Variants in PHACTR1 observed in about 807,000 individuals in gnomAD.
PHACTR1 encodes RPEL repeat containing 1.
Under a neutral mutation model 69.2 loss-of-function variants are expected in PHACTR1, and 16 were observed. That is an observed-to-expected ratio of 0.23 (90% CI 0.16 to 0.35). PHACTR1 has a LOEUF of 0.35. Ranked by LOEUF, PHACTR1 falls within the 10% of genes least tolerant of loss-of-function variation. PHACTR1 has a pLI of 1.00. For synonymous variants in PHACTR1, 312 were observed against 284.5 expected (o/e 1.10, Z -0.97); for missense variants, 510 against 734.7 (o/e 0.69, Z 3.54).
Position 13,283,741 on chromosome 6 carries a change from G to A in PHACTR1, c.1650+179G>A. 1.1e-6 allele frequency: 1 copy of A among 872,338 alleles called. No homozygotes were observed. Among genetic ancestry groups the A allele is most frequent in the South Asian group, 1.6e-5 (1 of 61,484 alleles). 54.0% of individuals were successfully genotyped at this position (872,338 alleles called of 1,614,324 possible). On this transcript the variant is annotated intron_variant, in intron 13 of 14. Coordinates refer to ENST00000332995, the MANE Select transcript of PHACTR1 (RefSeq NM_030948.6). This position sits in a 1 kb window ranked among gnomAD's most constrained non-coding sequence, Gnocchi z 4.7. ...GCCACAGATAATCTGCGGAAAGGCT[G>A]CTGAATCGGAGAAAACACAAGGCAC...
At chr6:12,755,038 C>CA in intron 4 of PHACTR1, among the ~76,000 whole-genome samples, 1 of 152,224 alleles carries the variant, frequency 6.6e-6, no homozygotes, top group Non-Finnish European at 1.5e-5. Context: ...GAAGCACTTT[C>CA]CCATAAATAT....
intron 3 of PHACTR1, among the ~76,000 whole-genome samples, chr6:12,727,352 G>A (rs1291329820): frequency 6.6e-6 from 1 of 152,154 alleles, no homozygotes; most frequent in African/African-American, 2.4e-5. Context: ...CTGGGAACAG[G>A]ACAATTCTCC....
intron 8 of PHACTR1, among the ~76,000 whole-genome samples, chr6:13,224,208 C>CA (rs1215443435): frequency 6.6e-6 from 1 of 152,212 alleles, no homozygotes; most frequent in Non-Finnish European, 1.5e-5. Context: ...AAGGAGCCTA[C>CA]AGCCTTGGGT....
intron 4 of PHACTR1, among the ~76,000 whole-genome samples, chr6:12,880,912 T>C (rs1783029154): frequency 6.6e-6 from 1 of 152,184 alleles, no homozygotes; most frequent in African/African-American, 2.4e-5. Context: ...TATCAGGCTG[T>C]GAAATGTGAT....
intron 4 of PHACTR1, among the ~76,000 whole-genome samples, chr6:12,785,480 G>A (rs768159431): frequency 6.6e-6 from 1 of 152,220 alleles, no homozygotes; most frequent in Non-Finnish European, 1.5e-5. Flanking sequence ...ACATACTGAA[G>A]TAGTGCAAAG....
chr6:12,868,032 G>A (rs1435524546), intron 4 of PHACTR1, among the ~76,000 whole-genome samples: 1 of 152,088 alleles, frequency 6.6e-6, no homozygotes, highest in Admixed American at 6.5e-5. Flanking sequence ...GGCCAAGGCG[G>A]GCAGATCACG....
At chr6:12,811,226 C>T (rs1430195738) in intron 4 of PHACTR1, among the ~76,000 whole-genome samples, 1 of 152,142 alleles carries the variant, frequency 6.6e-6, no homozygotes, top group Non-Finnish European at 1.5e-5. Flanking sequence ...AGTTTGAAGA[C>T]AACATTGAAA....
At chr6:12,927,407 A>G (rs928721164) in intron 4 of PHACTR1, among the ~76,000 whole-genome samples, 10 of 151,072 alleles carry the variant, frequency 6.6e-5, no homozygotes, top group African/African-American at 2.5e-4. Context: ...AAGATTAACA[A>G]CAACAACAAT....
intron 12 of PHACTR1, chr6:13,281,221 G>A: frequency 1.9e-6 from 2 of 1,049,648 alleles, no homozygotes; most frequent in Non-Finnish European, 2.5e-6. Context: ...TGAAAGTCAG[G>A]GCTTAACAAC....
chr6:12,915,305 G>A lies in PHACTR1; in HGVS notation c.251-138060G>A, dbSNP rs1275041758. The stretch of plus-strand genomic sequence containing the variant: ...TGGATCACTTTGAGCTCAGGAGTTC[G>A]AGATTAGCCTGGGCAACATGGCAAA... On this transcript the variant is annotated intron_variant, in intron 4 of 14. Coordinates refer to ENST00000332995, the MANE Select transcript of PHACTR1 (RefSeq NM_030948.6). Among the ~76,000 whole-genome samples, 3 of 152,150 alleles carry A rather than the reference G, an allele frequency of 2.0e-5. No homozygotes were observed. The East Asian group carries it at 5.8e-4, about 29-fold the overall frequency.
intron 10 of PHACTR1, among the ~76,000 whole-genome samples, chr6:13,233,791 A>G (rs1489327119): frequency 1.3e-5 from 2 of 152,218 alleles, no homozygotes; most frequent in East Asian, 3.9e-4. Flanking sequence ...TCAACTAGGG[A>G]CAGAAAGACA....
At chr6:12,875,657 G>T (rs903142652) in intron 4 of PHACTR1, among the ~76,000 whole-genome samples, 1 of 152,140 alleles carries the variant, frequency 6.6e-6, no homozygotes, top group Non-Finnish European at 1.5e-5. Context: ...ATTTTCTGCT[G>T]TAACATTTGG....
chr6:13,101,873 G>C (rs1561832557), intron 5 of PHACTR1, among the ~76,000 whole-genome samples: 1 of 152,122 alleles, frequency 6.6e-6, no homozygotes, highest in East Asian at 1.9e-4. Context: ...CTTAACTCAG[G>C]GAAGACCCAC....
chr6:13,227,991 T>G lies in PHACTR1; in HGVS notation c.1162T>G (p.Ser388Ala), dbSNP rs760440329. ...GCCTCATGAGTCAGACTACGAAGAC[T>G]CTTCTTGCCTGTATACAAGAGAAGA... ...NVPHESDYEDSSCLYTREEEE... is the reference protein window; with the variant it reads ...NVPHESDYEDASCLYTREEEE... Residue 388 changes from serine (S) to alanine (A), a missense_variant, in exon 9 of 15, where the codon TCT becomes GCT. Physicochemically the swap from Ser to Ala is moderately conservative, Grantham distance 99. Coordinates refer to ENST00000332995, the MANE Select transcript of PHACTR1 (RefSeq NM_030948.6). 17 of 1,613,866 alleles carry G rather than the reference T, an allele frequency of 1.1e-5. No homozygotes were observed. The highest frequency in any genetic ancestry group is 3.3e-5 in the Admixed American group (2 of 60,004).
At chr6:12,973,813 TC>T (rs1317754856) in intron 4 of PHACTR1, among the ~76,000 whole-genome samples, 2 of 152,046 alleles carry the variant, frequency 1.3e-5, no homozygotes, top group Non-Finnish European at 1.5e-5. Flanking sequence ...TATTCAAGGG[TC>T]CTGGGTTCTA....
chr6:12,776,235 TA>T (rs1307093814), intron 4 of PHACTR1, among the ~76,000 whole-genome samples: 1 of 152,256 alleles, frequency 6.6e-6, no homozygotes. Flanking sequence ...ACACTGTCTT[TA>T]TTTTCCTTTT....
At chr6:13,223,680 CT>C (rs1769066171) in intron 8 of PHACTR1, among the ~76,000 whole-genome samples, 1 of 152,148 alleles carries the variant, frequency 6.6e-6, no homozygotes, top group Non-Finnish European at 1.5e-5. Flanking sequence ...CAAGCCCTTC[CT>C]TTACCAACTG....
chr6:12,748,304 G>C (rs1405926225), intron 3 of PHACTR1, among the ~76,000 whole-genome samples: 3 of 152,164 alleles, frequency 2.0e-5, no homozygotes, highest in Non-Finnish European at 4.4e-5. Flanking sequence ...ATGAGAAAAG[G>C]CAAGTGGAGA....
intron 10 of PHACTR1, among the ~76,000 whole-genome samples, chr6:13,271,367 T>C (rs1028466839): frequency 3.9e-5 from 6 of 152,146 alleles, no homozygotes; most frequent in Non-Finnish European, 8.8e-5. Context: ...ATATCCAAAC[T>C]ATATGAGACA....
Sources: gnomAD v4.1 joint callset for allele counts (sites outside exome capture counted in the v4.1 genomes callset) on GRCh38, gnomAD v4.1.1 for gene constraint, Gnocchi (gnomAD v3.1) non-coding constraint, MANE v1.5 for transcripts, NCBI Gene and HGNC (gene_info 2026-07-23, HGNC 2026-07-21) for gene names.